The following KLF7 variants were observed in gnomAD, a reference collection of about 807,000 sequenced individuals.
KLF7 encodes the protein KLF transcription factor 7.
A neutral mutation model predicts 27.3 loss-of-function variants in KLF7; 2 were observed. The ratio of observed to expected loss-of-function variants is 0.07; its 90% CI spans 0.03 to 0.23. The LOEUF is 0.23. KLF7 is among the 10% of genes least tolerant of loss of function. KLF7 has a pLI of 1.00. For synonymous variants in KLF7, 165 were observed against 162.4 expected, an observed-to-expected ratio of 1.02 and a Z score of -0.12; for missense variants, 221 against 394.1, an observed-to-expected ratio of 0.56 and a Z score of 3.72.
intron 2 of KLF7, among the ~76,000 whole-genome samples, chr2:207,112,469 T>C (rs1013231807): frequency 9.9e-5 from 15 of 152,192 alleles, no homozygotes; most frequent in Non-Finnish European, 1.5e-4. Context: ...CCTGCTTCAA[T>C]TGTGATAGGG....
rs537986902 is a variant in KLF7 at position 207,120,398 on chromosome 2, G to C, written c.733+3376C>G. ...GTATTGTCTTCCTTTATGCATATGAGAGGAAGACACACACATTTTATTTTA... is the reference window on the plus strand; with the variant it reads ...GTATTGTCTTCCTTTATGCATATGACAGGAAGACACACACATTTTATTTTA... On this transcript the variant is annotated intron_variant, in intron 2 of 3. Transcript: ENST00000309446. Among the ~76,000 whole-genome samples the C allele has an allele frequency of 2.6e-5, 4 of 152,272 alleles. No homozygotes were observed. The East Asian group carries it at 5.8e-4, about 22-fold the overall frequency.
At chr2:207,168,658 CA>C (rs2078762916), upstream of KLF7, among the ~76,000 whole-genome samples, 1 of 152,184 alleles carries the variant, frequency 6.6e-6, no homozygotes, top group South Asian at 2.1e-4. Context: ...CAAAAGGACT[CA>C]ACCAAAATTT....
chr2:207,081,523 A>G (rs928903058), intron 3 of KLF7, among the ~76,000 whole-genome samples: 3 of 152,238 alleles, frequency 2.0e-5, no homozygotes, highest in Admixed American at 6.5e-5. Flanking sequence ...GGATAATTAT[A>G]GCATTTACCT....
chr2:207,092,820 T>G (rs1228123722), intron 2 of KLF7, among the ~76,000 whole-genome samples: 2 of 152,374 alleles, frequency 1.3e-5, no homozygotes, highest in Non-Finnish European at 2.9e-5. Context: ...AATGTTCTAT[T>G]AGGATATTAT....
intron 1 of KLF7, among the ~76,000 whole-genome samples, chr2:207,128,853 A>G (rs889035303): frequency 2.6e-5 from 4 of 152,236 alleles, no homozygotes; most frequent in African/African-American, 9.6e-5. Flanking sequence ...GTTGTCACAG[A>G]CTGGAGAAGA....
intron 3 of KLF7, among the ~76,000 whole-genome samples, chr2:207,084,437 G>A (rs758835656): frequency 2.0e-5 from 3 of 151,060 alleles, no homozygotes; most frequent in Non-Finnish European, 4.4e-5. Context: ...CAAATTCAGG[G>A]AAAAAAAAGT....
chr2:207,088,515 G>C lies in KLF7; in HGVS notation c.800C>G (p.Thr267Arg). Residue 267 changes from threonine to arginine, a missense_variant, in exon 3 of 4, where the codon ACG becomes AGG. Physicochemically the swap from Thr to Arg is moderately conservative, Grantham distance 71. Coordinates refer to ENST00000309446, the MANE Select transcript of KLF7 (RefSeq NM_003709.4). ...EWRFARSDEL[T>R]RHYRKHTGAK... ...ACCTGTGTGTTTCCTGTAGTGCCTC[G>C]TGAGCTCATCGCTTCGTGCAAAACG... The C allele has an allele frequency of 1.2e-6, 2 of 1,614,030 alleles. No homozygotes were observed. The highest frequency in any genetic ancestry group is 1.7e-6 in the Non-Finnish European group (2 of 1,179,956).
At chr2:207,166,939 G>GTGCCGC, upstream of KLF7, 7 of 751,700 alleles carry the variant, frequency 9.3e-6, no homozygotes, top group Non-Finnish European at 1.2e-5. Context: ...CGCCCCGCGG[G>GTGCCGC]CGCCGCCGCC....
In KLF7 at chr2:207,124,273, G is replaced by A. The variant is rs376571122; in HGVS notation, c.234C>T (p.Asp78=). 78 of 1,614,002 alleles carry A rather than the reference G, an allele frequency of 4.8e-5. No individual in the cohort carries two copies. The highest frequency in any genetic ancestry group is 6.5e-5 in the Non-Finnish European group (77 of 1,180,014). The change falls in exon 2 of 4, where the codon GAC becomes GAT. Residue 78 remains aspartate, a synonymous_variant. Coordinates refer to ENST00000309446, the MANE Select transcript of KLF7 (RefSeq NM_003709.4). ...CCGCTTCCACGGGGAGCAGCAGGGG[G>A]TCTAAGCGACGGAAGCTTTCCTCAA... ...PCIEESFRRL[D]PLLLPVEAAI...
At chr2:207,166,766 A>G (rs1243267458), upstream of KLF7, 4 of 986,272 alleles carry the variant, frequency 4.1e-6, no homozygotes, top group Non-Finnish European at 4.8e-6. Flanking sequence ...CTCAAAAACA[A>G]GCAGAAAAGG....
At chr2:207,147,888 G>A (rs1311291334) in intron 1 of KLF7, among the ~76,000 whole-genome samples, 1 of 152,122 alleles carries the variant, frequency 6.6e-6, no homozygotes, top group Non-Finnish European at 1.5e-5. Context: ...AAATGTTTTA[G>A]GAAGCGTTTG....
At chr2:207,166,153 G>A (rs1419635480), upstream of KLF7, 4 of 985,620 alleles carry the variant, frequency 4.1e-6, no homozygotes, top group African/African-American at 7.0e-5. Context: ...CGCAGCCGTG[G>A]GATCTCGAGG....
At chr2:207,159,721 G>A (rs17284653) in intron 1 of KLF7, among the ~76,000 whole-genome samples, 5,635 of 152,210 alleles carry the variant, frequency 0.037, 137 homozygotes, top group Middle Eastern at 0.058. Context: ...GAAGTCACTC[G>A]CACCTCATTT....
At chr2:207,123,251 G>A (rs1326827898) in intron 2 of KLF7, among the ~76,000 whole-genome samples, 1 of 152,124 alleles carries the variant, frequency 6.6e-6, no homozygotes, top group East Asian at 1.9e-4. Flanking sequence ...ATGCAAAAGA[G>A]GAGATGCCAA....
At chr2:207,152,050 A>C (rs1028583744) in intron 1 of KLF7, among the ~76,000 whole-genome samples, 2 of 152,218 alleles carry the variant, frequency 1.3e-5, no homozygotes, top group Non-Finnish European at 2.9e-5. Flanking sequence ...GCAGTATTTG[A>C]GTGCCAAGGG....
intron 1 of KLF7, among the ~76,000 whole-genome samples, chr2:207,162,704 T>TA: frequency 6.6e-6 from 1 of 152,310 alleles, no homozygotes; most frequent in Middle Eastern, 3.4e-3. Context: ...ATCCTAAGTT[T>TA]AAAATAAAAT....
At chr2:207,167,061 C>A, upstream of KLF7, 1 of 1,266,152 alleles carries the variant, frequency 7.9e-7, no homozygotes, top group South Asian at 1.8e-5. Flanking sequence ...GTTAAAGAGG[C>A]TAGAGGGAGC....
intron 2 of KLF7, among the ~76,000 whole-genome samples, chr2:207,091,434 G>A (rs540342959): frequency 2.7e-4 from 41 of 152,174 alleles, no homozygotes; most frequent in Admixed American, 5.2e-4. Flanking sequence ...TCCTGCTTGC[G>A]GCAAACACTA....
chr2:207,139,067 CTT>C, intron 1 of KLF7, among the ~76,000 whole-genome samples: 1 of 152,290 alleles, frequency 6.6e-6, no homozygotes, highest in South Asian at 2.1e-4. Flanking sequence ...TATCCTCACT[CTT>C]TTGAAAGCAC....
Sources: gnomAD v4.1 joint callset for allele counts (sites outside exome capture counted in the v4.1 genomes callset) on GRCh38, gnomAD v4.1.1 for gene constraint, MANE v1.5 for transcripts, NCBI Gene and HGNC (gene_info 2026-07-23, HGNC 2026-07-21) for gene names.